The following DCAF5 variants were observed in gnomAD, a reference collection of about 807,000 sequenced individuals.
The protein encoded by DCAF5 is DDB1- and CUL4-associated factor 5.
Under a neutral mutation model 80.7 loss-of-function variants are expected in DCAF5, and 9 were observed. The ratio of observed to expected loss-of-function variants is 0.11; its 90% CI spans 0.07 to 0.19. The LOEUF (loss-of-function observed/expected upper bound fraction) is 0.19, where lower values mean the gene tolerates loss of function less well. DCAF5 is among the 10% of genes least tolerant of loss of function. DCAF5 has a pLI of 1.00. For missense variants in DCAF5, 842 were observed against 1,205.7 expected (o/e 0.70, Z 4.47); for synonymous variants, 433 against 461.9 (o/e 0.94, Z 0.80).
At chr14:69,112,594 T>TACACACACACACACACACACACAC (rs3044674) in intron 5 of DCAF5, among the ~76,000 whole-genome samples, 24 of 145,134 alleles carry the variant, frequency 1.7e-4, no homozygotes, top group African/African-American at 6.3e-4. Context: ...TATATATGTA[T>TACACACACACACACACACACACAC]ACACACACAC....
intron 7 of DCAF5, among the ~76,000 whole-genome samples, chr14:69,066,968 A>ATT (rs2038467887): frequency 4.6e-5 from 7 of 152,350 alleles, no homozygotes; most frequent in Admixed American, 1.3e-4. Context: ...TCTTGGTCTA[A>ATT]TAGCAATTTA....
At chr14:69,089,546 T>C (rs963143391) in intron 6 of DCAF5, 5 of 152,124 alleles carry the variant, frequency 3.3e-5, no homozygotes, top group Admixed American at 2.6e-4. Flanking sequence ...CAAATCTAAA[T>C]AGAGAAAAAT....
chr14:69,078,256 T>C (rs1356540271), intron 6 of DCAF5, among the ~76,000 whole-genome samples: 1 of 152,164 alleles, frequency 6.6e-6, no homozygotes, highest in African/African-American at 2.4e-5. Context: ...AACATGGCCA[T>C]ATACAAATGG....
At chr14:69,083,127 C>A (rs2139934604) in intron 6 of DCAF5, among the ~76,000 whole-genome samples, 1 of 152,296 alleles carries the variant, frequency 6.6e-6, no homozygotes, top group East Asian at 1.9e-4. Context: ...AGTAAACAGA[C>A]TAAAAGACAA....
chr14:69,065,158 C>T (rs1406135516), intron 7 of DCAF5, among the ~76,000 whole-genome samples: 2 of 133,694 alleles, frequency 1.5e-5, no homozygotes, highest in Admixed American at 1.8e-4. Context: ...AGTGCAGTGG[C>T]TCGATCTCGG....
chr14:69,149,820 T>C (rs374684260), intron 1 of DCAF5, among the ~76,000 whole-genome samples: 72 of 152,342 alleles, frequency 4.7e-4, no homozygotes, highest in African/African-American at 1.3e-3. Context: ...TGGGGATACA[T>C]AGCATTAGCC....
intron 7 of DCAF5, among the ~76,000 whole-genome samples, chr14:69,067,142 C>T (rs1201681946): frequency 6.6e-6 from 1 of 152,136 alleles, no homozygotes; most frequent in Non-Finnish European, 1.5e-5. Context: ...GGGCTTCTGT[C>T]TCCACTGTAT....
At chr14:69,108,466 CGGAAATG>C (rs1347510646) in intron 5 of DCAF5, among the ~76,000 whole-genome samples, 1 of 151,684 alleles carries the variant, frequency 6.6e-6, no homozygotes, top group Non-Finnish European at 1.5e-5. Context: ...TATGGAGAGA[CGGAAATG>C]GGTATGAAAT....
At position 69,055,692 on chromosome 14, in the gene DCAF5, G is replaced by A. The variant is rs10134889; in HGVS notation, c.1075-81C>T. 0.012 allele frequency: 17,051 copies of A among 1,399,922 alleles called. 1,704 individuals carry two copies. The African/African-American group carries it at 0.22, about 18-fold the overall frequency. The allele number at this position is 1,399,922 out of a possible 1,614,324, so 86.7% of individuals were successfully genotyped here. ...ACTGGTGGTGATAAAGAACACCAAG[G>A]CAGAACTTCCCCAGACTCTCCCTGT... On this transcript the variant is annotated intron_variant, in intron 8 of 8. Transcript: ENST00000341516. This position sits in a 1 kb window ranked among gnomAD's most constrained non-coding sequence, Gnocchi z 5.6.
chr14:69,094,876 A>G (rs1399881040), intron 5 of DCAF5, among the ~76,000 whole-genome samples: 1 of 152,208 alleles, frequency 6.6e-6, no homozygotes, highest in Non-Finnish European at 1.5e-5. Flanking sequence ...TCTGAATTTA[A>G]CCAGCAACAC....
intron 1 of DCAF5, among the ~76,000 whole-genome samples, chr14:69,138,717 T>C (rs951921403): frequency 6.6e-6 from 1 of 152,222 alleles, no homozygotes; most frequent in Non-Finnish European, 1.5e-5. Context: ...AATTAAAGAC[T>C]TCTATTAGAC....
chr14:69,084,922 G>A, intron 6 of DCAF5: 1 of 1,425,906 alleles, frequency 7.0e-7, no homozygotes, highest in Non-Finnish European at 9.9e-7. Flanking sequence ...CGTGTGGGTA[G>A]AACAGCCAGA....
chr14:69,145,749 GATTTT>G (rs1194259229), intron 1 of DCAF5, among the ~76,000 whole-genome samples: 3 of 152,086 alleles, frequency 2.0e-5, no homozygotes, highest in Admixed American at 6.5e-5. Flanking sequence ...TCTGAATTAG[GATTTT>G]ATTTCCTTTA....
intron 1 of DCAF5, among the ~76,000 whole-genome samples, chr14:69,124,789 A>C (rs2040826745): frequency 6.6e-6 from 1 of 152,214 alleles, no homozygotes; most frequent in African/African-American, 2.4e-5. Context: ...AGTTCTCTAT[A>C]GTCTCCACTC....
intron 6 of DCAF5, among the ~76,000 whole-genome samples, chr14:69,080,716 A>G (rs2039068735): frequency 6.6e-6 from 1 of 152,248 alleles, no homozygotes; most frequent in Admixed American, 6.5e-5. Context: ...CTATAGAAAC[A>G]TAGTAGAAAA....
chr14:69,149,864 C>G (rs2041649236), intron 1 of DCAF5, among the ~76,000 whole-genome samples: 1 of 152,188 alleles, frequency 6.6e-6, no homozygotes, highest in South Asian at 2.1e-4. Flanking sequence ...CAGGTGTTGA[C>G]TGCTAATGAG....
chr14:69,053,754 A>ATG lies in DCAF5; in HGVS notation c.*101_*102dup. Reference sequence around the variant, plus strand: ...ACACAAAATTTCAGGCCCTGGTTTCATGTGCCTTTAATACTTGTTTTTCCT... The same window carrying ATG: ...ACACAAAATTTCAGGCCCTGGTTTCATGTGTGCCTTTAATACTTGTTTTTCCT... On this transcript the variant is annotated 3_prime_UTR_variant, in exon 9 of 9. Transcript: ENST00000341516. The ATG allele has an allele frequency of 1.7e-6, 2 of 1,169,974 alleles. No individual in the cohort carries two copies. The highest frequency in any genetic ancestry group is 3.3e-5 in the South Asian group (2 of 60,342). The allele number at this position is 1,169,974 out of a possible 1,614,324, so 72.5% of individuals were successfully genotyped here.
Position 69,055,093 on chromosome 14 carries a change from G to A in DCAF5, c.1593C>T (p.Ser531=), listed in dbSNP as rs533222120. Residue 531 remains serine (S), a synonymous_variant, in exon 9 of 9, where the codon TCC becomes TCT. Transcript: ENST00000341516. This position sits in a 1 kb window ranked among gnomAD's most constrained non-coding sequence, Gnocchi z 5.6. ...DKRLLALSNE[S]DSEENVCEVE... ...CCTCACAGACATTCTCCTCAGAATC[G>A]GACTCATTGGAAAGGGCCAGGAGGC... The A allele has an allele frequency of 7.2e-5, 117 of 1,614,192 alleles. No individual in the cohort carries two copies. The highest frequency in any genetic ancestry group is 9.0e-5 in the Non-Finnish European group (106 of 1,180,038).
rs766451307 is a variant in DCAF5 at position 69,054,619 on chromosome 14, T to C, written c.2067A>G (p.Ala689=). 1 of 1,614,160 alleles carries C rather than the reference T, an allele frequency of 6.2e-7. No homozygotes were observed. Among genetic ancestry groups the C allele is most frequent in the Non-Finnish European group, 8.5e-7 (1 of 1,179,996 alleles). Residue 689 remains alanine, a synonymous_variant, in exon 9 of 9, where the codon GCA becomes GCG. Coordinates refer to ENST00000341516, the MANE Select transcript of DCAF5 (RefSeq NM_003861.3). The stretch of plus-strand genomic sequence containing the variant: ...GGCTGGTTCCTGCTCTCCCTTCATC[T>C]GCCTCCCCGGTCACCAAGGAGGTCT... ...DGETSLVTGE[A]DEGRAGTSHK...
Sources: allele counts gnomAD v4.1 joint callset (sites outside exome capture counted in the v4.1 genomes callset), GRCh38; gene constraint gnomAD v4.1.1; non-coding constraint Gnocchi (gnomAD v3.1); transcripts MANE v1.5; gene names NCBI Gene and HGNC (gene_info 2026-07-23, HGNC 2026-07-21).